IQCH: variants seen among roughly 807,000 people sequenced by gnomAD.
IQCH encodes IQ motif containing H.
In IQCH, 98 loss-of-function variants were observed where a neutral mutation model predicts 117.0. The observed-to-expected ratio is 0.84, with a 90% CI of 0.71 to 0.99. IQCH has a LOEUF of 0.99. Among genes scored for constraint, IQCH ranks in the 50% least tolerant of loss-of-function variants. The probability of loss-of-function intolerance (pLI) is 0.00; values close to 1 mark genes in which losing one functional copy is unlikely to be tolerated. For synonymous variants in IQCH, 412 were observed against 448.2 expected (o/e 0.92, Z 1.02); for missense variants, 1,102 against 1,243.8 (o/e 0.89, Z 1.72).
rs1190947795 is a variant in IQCH at position 67,474,564 on chromosome 15, T to A, written c.2677-1132T>A. 6.6e-6 allele frequency among the ~76,000 whole-genome samples: 1 copy of A among 152,220 alleles called. No homozygotes were observed. Among genetic ancestry groups the A allele is most frequent in the Non-Finnish European group, 1.5e-5 (1 of 68,028 alleles). ...TTAAATGTTTTCAGGAAATACATAATGACAGCACTTTGGGCCTACTATCAC... is the reference window on the plus strand; with the variant it reads ...TTAAATGTTTTCAGGAAATACATAAAGACAGCACTTTGGGCCTACTATCAC... On this transcript the variant is annotated intron_variant, in intron 17 of 20. Transcript: ENST00000335894. The surrounding 1 kb of genome is among the most constrained non-coding windows in gnomAD (Gnocchi z 4.1).
chr15:67,330,509 CT>C (rs1188048265), intron 4 of IQCH, among the ~76,000 whole-genome samples: 1 of 152,098 alleles, frequency 6.6e-6, no homozygotes, highest in African/African-American at 2.4e-5. Context: ...GCTGGTAAAC[CT>C]GACCAAGAGG....
At chr15:67,304,490 T>C in intron 4 of IQCH, 1 of 1,028,082 alleles carries the variant, frequency 9.7e-7, no homozygotes. Flanking sequence ...GCTCTTATTT[T>C]TTTAAGAAAT....
At chr15:67,269,412 T>A (rs1390648975) in intron 3 of IQCH, among the ~76,000 whole-genome samples, 2 of 152,216 alleles carry the variant, frequency 1.3e-5, no homozygotes, top group African/African-American at 4.8e-5. Flanking sequence ...ATTTGATACC[T>A]TCTTCTAATG....
rs893301588 is a variant in IQCH, at chr15:67,377,657, C to T, written c.1372+4224C>T. 2.0e-5 allele frequency among the ~76,000 whole-genome samples: 3 copies of T among 152,100 alleles called. No homozygotes were observed. The East Asian group carries it at 5.8e-4, about 29-fold the overall frequency. ...TAAAATATATTGACATTAAATGAGACGTGCCAAATATGGGGCTCTGCTGCT... is the reference window on the plus strand; with the variant it reads ...TAAAATATATTGACATTAAATGAGATGTGCCAAATATGGGGCTCTGCTGCT... On this transcript the variant is annotated intron_variant, in intron 10 of 20. Coordinates refer to ENST00000335894, the MANE Select transcript of IQCH (RefSeq NM_001031715.3).
In IQCH at chr15:67,388,689, GTA is replaced by G; in HGVS notation, c.1457-141_1457-140del. 1.5e-6 allele frequency: 1 copy of G among 662,224 alleles called. No individual in the cohort carries two copies. Among genetic ancestry groups the G allele is most frequent in the Non-Finnish European group, 2.5e-6 (1 of 397,882 alleles). The allele number at this position is 662,224 out of a possible 1,614,324, so 41.0% of individuals were successfully genotyped here. A position where few individuals can be genotyped will look rare whatever the true frequency, so the allele number is the denominator to read the frequency against. On this transcript the variant is annotated intron_variant, in intron 11 of 20. Transcript: ENST00000335894. This position sits in a 1 kb window ranked among gnomAD's most constrained non-coding sequence, Gnocchi z 5.5. ...AAAAGCCAGTTAGATTGCTCAGATA[GTA>G]CAAAACCAAACTAAATTAACCTTAA...
In IQCH at chr15:67,373,742, C is replaced by T. The variant is rs144470570; in HGVS notation, c.1372+309C>T. ...TCCCCGAAATAACAGATAATGTTTT[C>T]GATCTTCTTTAATGATAGAAGAACA... On this transcript the variant is annotated intron_variant, in intron 10 of 20. Coordinates refer to ENST00000335894, the MANE Select transcript of IQCH (RefSeq NM_001031715.3). 2.1e-3 allele frequency: 963 copies of T among 455,394 alleles called. 8 individuals carry two copies. The highest frequency in any genetic ancestry group is 0.018 in the African/African-American group (877 of 50,110). 28.2% of individuals were successfully genotyped at this position (455,394 alleles called of 1,614,324 possible). A position where few individuals can be genotyped will look rare whatever the true frequency, so the allele number is the denominator to read the frequency against.
intron 4 of IQCH, among the ~76,000 whole-genome samples, chr15:67,327,518 A>G (rs1025491454): frequency 1.3e-5 from 2 of 152,138 alleles, no homozygotes; most frequent in East Asian, 1.9e-4. Context: ...TTTATTGCCT[A>G]CTTTTTCTTT....
rs1008964924 is a variant in IQCH, at chr15:67,372,503, C to T, written c.1146C>T (p.Cys382=). The part of the protein sequence containing the change: ...AAMKIQATWK[C]YKARKFFLFY... ...TGAAGATCCAAGCCACATGGAAATGCTACAAAGCAAGAAAATTCTTCCTCT... is the reference window on the plus strand; with the variant it reads ...TGAAGATCCAAGCCACATGGAAATGTTACAAAGCAAGAAAATTCTTCCTCT... Residue 382 remains cysteine, a synonymous_variant, in exon 9 of 21, where the codon TGC becomes TGT. Coordinates refer to ENST00000335894, the MANE Select transcript of IQCH (RefSeq NM_001031715.3). 1 of 1,613,916 alleles carries T rather than the reference C, an allele frequency of 6.2e-7. No individual in the cohort carries two copies. Among genetic ancestry groups the T allele is most frequent in the African/African-American group, 1.3e-5 (1 of 74,872 alleles).
chr15:67,254,880 C>T lies in IQCH; in HGVS notation c.-17C>T, dbSNP rs776575211. On this transcript the variant is annotated 5_prime_UTR_variant, in exon 1 of 21. Coordinates refer to ENST00000335894, the MANE Select transcript of IQCH (RefSeq NM_001031715.3). ...GAAACCGCGCCTCCGCGGAGGTAGC[C>T]GTTCCCTGACCTAGCCATGGCACAG... The T allele has an allele frequency of 5.0e-6, 8 of 1,612,780 alleles. No individual in the cohort carries two copies. The highest frequency in any genetic ancestry group is 2.2e-5 in the East Asian group (1 of 44,736).
At chr15:67,400,441 C>A (rs541676659) in intron 14 of IQCH, 136 bp downstream of exon 14, 2 of 586,174 alleles carry the variant, frequency 3.4e-6, no homozygotes, top group Non-Finnish European at 6.1e-6. Context: ...TTTCTTGGGA[C>A]CTTTTTCCTT....
intron 5 of IQCH, among the ~76,000 whole-genome samples, chr15:67,343,474 A>C (rs954936692): frequency 1.3e-5 from 2 of 152,252 alleles, no homozygotes; most frequent in Non-Finnish European, 2.9e-5. Flanking sequence ...AGCCATGCTA[A>C]CACAGTATGA....
In IQCH at chr15:67,443,079, G is replaced by A. The variant is rs1205613012; in HGVS notation, c.2505+21502G>A. On this transcript the variant is annotated intron_variant, in intron 16 of 20. Coordinates refer to ENST00000335894, the MANE Select transcript of IQCH (RefSeq NM_001031715.3). This position sits in a 1 kb window ranked among gnomAD's most constrained non-coding sequence, Gnocchi z 5.0. ...GCGATCTCGGCTCACTGCAAGCTCC[G>A]CCTCCCGGGTTCACACCATTTTCCT... is the stretch of plus-strand genomic sequence containing the variant. Among the ~76,000 whole-genome samples, 2 of 151,176 alleles carry A rather than the reference G, an allele frequency of 1.3e-5. No individual in the cohort carries two copies. The highest frequency in any genetic ancestry group is 2.9e-5 in the Non-Finnish European group (2 of 67,882).
In IQCH at chr15:67,359,039, C is replaced by T. The variant is rs1970027135; in HGVS notation, c.715-808C>T. Among the ~76,000 whole-genome samples, 1 of 152,202 alleles carries T rather than the reference C, an allele frequency of 6.6e-6. No individual in the cohort carries two copies. Among genetic ancestry groups the T allele is most frequent in the African/African-American group, 2.4e-5 (1 of 41,444 alleles). ...ACAGGCCTTCAGGCGAGTGTTTGGC[C>T]TGCACCATTATTGTTTCAAATTCAG... On this transcript the variant is annotated intron_variant, in intron 7 of 20. Coordinates refer to ENST00000335894, the MANE Select transcript of IQCH (RefSeq NM_001031715.3). The surrounding 1 kb of genome is among the most constrained non-coding windows in gnomAD (Gnocchi z 4.5).
In IQCH at chr15:67,494,125, A is replaced by T. The variant is rs2083739491; in HGVS notation, c.2862-133A>T. 3.5e-6 allele frequency: 2 copies of T among 569,220 alleles called. No individual in the cohort carries two copies. Among genetic ancestry groups the T allele is most frequent in the South Asian group, 5.4e-5 (2 of 36,854 alleles). The allele number at this position is 569,220 out of a possible 1,614,324, so 35.3% of individuals were successfully genotyped here. On this transcript the variant is annotated intron_variant, in intron 19 of 20. Coordinates refer to ENST00000335894, the MANE Select transcript of IQCH (RefSeq NM_001031715.3). This position sits in a 1 kb window ranked among gnomAD's most constrained non-coding sequence, Gnocchi z 5.5. ...GAGTCTCATCTTTCATATCTCCCTGAAGATTGCCACCTTGTGAGATTGAAA... is the reference window on the plus strand; with the variant it reads ...GAGTCTCATCTTTCATATCTCCCTGTAGATTGCCACCTTGTGAGATTGAAA...
At chr15:67,261,147 A>C in intron 1 of IQCH, 125 bp from the exon 2 acceptor site, 1 of 596,552 alleles carries the variant, frequency 1.7e-6, no homozygotes, top group Middle Eastern at 5.1e-4. Flanking sequence ...CTTTTCAATG[A>C]ATACCATAAA....
At chr15:67,382,026 C>A (rs182489334) in intron 10 of IQCH, among the ~76,000 whole-genome samples, 1 of 152,036 alleles carries the variant, frequency 6.6e-6, no homozygotes, top group East Asian at 1.9e-4. Context: ...GGGCTTCACA[C>A]GTGTTTCATT....
chr15:67,269,820 G>GT (rs1449605839), intron 3 of IQCH, among the ~76,000 whole-genome samples: 2 of 151,646 alleles, frequency 1.3e-5, no homozygotes, highest in Admixed American at 6.6e-5. Context: ...GGATTCCTTT[G>GT]TTTTTTATGG....
intron 4 of IQCH, among the ~76,000 whole-genome samples, chr15:67,329,451 A>G (rs1463354078): frequency 2.6e-5 from 4 of 152,258 alleles, no homozygotes; most frequent in Middle Eastern, 3.4e-3. Flanking sequence ...GGTGAATTTT[A>G]TGTAAAATAG....
rs2082578323 is a variant in IQCH at position 67,453,303 on chromosome 15, G to C, written c.2506-11824G>C. ...TCCTTTGGAGGAGGAGAGGCGCTCT[G>C]CTTTTTAGAGTTTCCAGTTTTTCTG... On this transcript the variant is annotated intron_variant, in intron 16 of 20. Coordinates refer to ENST00000335894, the MANE Select transcript of IQCH (RefSeq NM_001031715.3). The surrounding 1 kb of genome is among the most constrained non-coding windows in gnomAD (Gnocchi z 5.8). Among the ~76,000 whole-genome samples, 1 of 152,182 alleles carries C rather than the reference G, an allele frequency of 6.6e-6. No homozygotes were observed. The highest frequency in any genetic ancestry group is 6.5e-5 in the Admixed American group (1 of 15,284).
Sources: allele counts gnomAD v4.1 joint callset (sites outside exome capture counted in the v4.1 genomes callset), GRCh38; gene constraint gnomAD v4.1.1; non-coding constraint Gnocchi (gnomAD v3.1); transcripts MANE v1.5; gene names NCBI Gene and HGNC (gene_info 2026-07-23, HGNC 2026-07-21).